C21orf58: variants seen among roughly 807,000 people sequenced by gnomAD.
The protein encoded by C21orf58 is chromosome 21 open reading frame 58.
Under a neutral mutation model 35.8 loss-of-function variants are expected in C21orf58, and 34 were observed. That is an observed-to-expected ratio of 0.95 (90% confidence interval 0.72 to 1.26). The LOEUF (loss-of-function observed/expected upper bound fraction) is 1.26. Among genes scored for constraint, C21orf58 ranks in the 50% most tolerant of loss-of-function variants. The pLI, the probability that C21orf58 is intolerant of heterozygous loss-of-function variation, is 0.00. For missense variants in C21orf58, 440 were observed against 414.3 expected (o/e 1.06, Z -0.54); for synonymous variants, 191 against 175.8 (o/e 1.09, Z -0.68).
In C21orf58 at chr21:46,305,244, C is replaced by T. The variant is rs187944109; in HGVS notation, c.722-2668G>A. On this transcript the variant is annotated intron_variant, in intron 6 of 7. Coordinates refer to ENST00000291691, the MANE Select transcript of C21orf58 (RefSeq NM_058180.5). Reference sequence around the variant, plus strand: ...ATGTTCTGCGGCACAGCAGTGACTACAGTTAACGCTACTGAACTTTGCACT... The same window carrying T: ...ATGTTCTGCGGCACAGCAGTGACTATAGTTAACGCTACTGAACTTTGCACT... Among the ~76,000 whole-genome samples the T allele has an allele frequency of 3.0e-3, 441 of 147,866 alleles. 2 individuals are homozygous for T. The highest frequency in any genetic ancestry group is 5.2e-3 in the Admixed American group (76 of 14,710).
chr21:46,317,936 G>C (rs2083036660), intron 2 of C21orf58, 76 bp downstream of exon 2: 2 of 1,512,686 alleles, frequency 1.3e-6, no homozygotes, highest in East Asian at 4.7e-5. Flanking sequence ...GCACCTGCAG[G>C]GCTGTCTCGA....
intron 6 of C21orf58, among the ~76,000 whole-genome samples, chr21:46,305,500 T>C (rs1317393514): frequency 6.6e-6 from 1 of 151,938 alleles, no homozygotes; most frequent in East Asian, 1.9e-4. Context: ...CAACTAATTT[T>C]GATATGTTTT....
At chr21:46,303,852 C>A (rs190943761) in intron 6 of C21orf58, among the ~76,000 whole-genome samples, 1 of 138,964 alleles carries the variant, frequency 7.2e-6, no homozygotes, top group Non-Finnish European at 1.5e-5. Context: ...CCTGGGTTCA[C>A]GCCATTCTCC....
intron 6 of C21orf58, among the ~76,000 whole-genome samples, chr21:46,305,051 G>C (rs950285680): frequency 3.9e-5 from 6 of 152,172 alleles, no homozygotes; most frequent in African/African-American, 1.4e-4. Context: ...GCACTGGCAG[G>C]TGGGGATGAT....
In C21orf58 at chr21:46,317,277, AAG is replaced by A. The variant is rs769285414; in HGVS notation, c.310-11_310-10del. On this transcript the variant is annotated splice_polypyrimidine_tract_variant and intron_variant, in intron 2 of 7. Coordinates refer to ENST00000291691, the MANE Select transcript of C21orf58 (RefSeq NM_058180.5). ...CGTTCTTGCTCCAGCTTCTGTGAGG[AAG>A]AGAGACCGTGACAGAGACGGTGGCT... The A allele has an allele frequency of 9.7e-5, 157 of 1,610,710 alleles. No individual in the cohort carries two copies. Among genetic ancestry groups the A allele is most frequent in the Middle Eastern group, 3.3e-4 (2 of 6,080 alleles).
Position 46,318,094 on chromosome 21 carries a change from T to C in C21orf58, c.227A>G (p.Gln76Arg), listed in dbSNP as rs1184529266. ...CATGGTGGGAGCTGCAGGAGACGAC[T>C]GTAGGGGCAGGGGAGGCCACAGCCC... ...GGGLWPPLPL[Q>R]SSPAAPTMLD... Residue 76 changes from glutamine (Q) to arginine (R), a missense_variant, in exon 2 of 8, where the codon CAG becomes CGG. Gln to Arg is a conservative substitution (Grantham distance 43). Coordinates refer to ENST00000291691, the MANE Select transcript of C21orf58 (RefSeq NM_058180.5). The C allele has an allele frequency of 1.9e-6, 3 of 1,613,334 alleles. No individual in the cohort carries two copies. In the Admixed American group the frequency reaches 5.0e-5, roughly 27 times the overall value.
rs763615041 is a variant in C21orf58 at position 46,311,470 on chromosome 21, C to T, written c.707G>A (p.Gly236Glu). The part of the protein sequence containing the change: ...PPQAFPTQRS[G>E]SIKEDMVELL... ...GGAACACTTACCTTCCTTAATACTTCCTGACCGTTGAGTAGGGAAGGCCTG... is the reference window on the plus strand; with the variant it reads ...GGAACACTTACCTTCCTTAATACTTTCTGACCGTTGAGTAGGGAAGGCCTG... The change falls in exon 6 of 8, where the codon GGA becomes GAA. Residue 236 changes from glycine to glutamate, a missense_variant. Transcript: ENST00000291691. 2.5e-6 allele frequency: 4 copies of T among 1,596,436 alleles called. No homozygotes were observed. In the South Asian group the frequency reaches 3.4e-5, roughly 13 times the overall value.
intron 1 of C21orf58, 85 bp downstream of exon 1, chr21:46,322,554 C>T: frequency 7.4e-7 from 1 of 1,344,736 alleles, no homozygotes; most frequent in Non-Finnish European, 9.6e-7. Flanking sequence ...CTGGCCCCTG[C>T]TCTAATGAGC....
intron 1 of C21orf58, 92 bp downstream of exon 1, chr21:46,322,547 G>A: frequency 2.3e-6 from 3 of 1,322,314 alleles, no homozygotes; most frequent in Non-Finnish European, 2.9e-6. Flanking sequence ...TGCCTGCCTG[G>A]CCCCTGCTCT....
At chr21:46,307,610 A>G (rs1356971548) in intron 6 of C21orf58, among the ~76,000 whole-genome samples, 2 of 152,210 alleles carry the variant, frequency 1.3e-5, no homozygotes, top group African/African-American at 4.8e-5. Flanking sequence ...CATATGGATC[A>G]CAATAGGAAA....
intron 1 of C21orf58, chr21:46,318,626 G>T: frequency 9.1e-7 from 1 of 1,097,928 alleles, no homozygotes; most frequent in Non-Finnish European, 1.1e-6. Context: ...AGGGAAGACA[G>T]GGTGGGGAGA....
chr21:46,302,644 C>A, intron 6 of C21orf58, 68 bp from the exon 7 acceptor site: 2 of 1,233,556 alleles, frequency 1.6e-6, no homozygotes, highest in South Asian at 1.3e-5. Context: ...AGTGATAGAG[C>A]ATTATAGGAC....
chr21:46,313,398 G>T (rs1446853144), intron 5 of C21orf58, among the ~76,000 whole-genome samples: 1 of 152,174 alleles, frequency 6.6e-6, no homozygotes, highest in African/African-American at 2.4e-5. Context: ...GACCCATGAG[G>T]CTTTCTTAGA....
At chr21:46,318,547 GA>G in intron 1 of C21orf58, 1 of 1,242,148 alleles carries the variant, frequency 8.1e-7, no homozygotes. Flanking sequence ...TGTGTCAGGG[GA>G]GGGCGCCCCA....
chr21:46,303,144 A>T (rs1036682155), intron 6 of C21orf58, among the ~76,000 whole-genome samples: 1 of 151,934 alleles, frequency 6.6e-6, no homozygotes, highest in Admixed American at 6.6e-5. Flanking sequence ...AGCCTGGGCA[A>T]CCAGGGCGAA....
At chr21:46,321,534 A>AC (rs1780103940) in intron 1 of C21orf58, among the ~76,000 whole-genome samples, 1 of 152,176 alleles carries the variant, frequency 6.6e-6, no homozygotes, top group Non-Finnish European at 1.5e-5. Context: ...GTTTTTGATG[A>AC]CCTTGACAGT....
intron 3 of C21orf58, among the ~76,000 whole-genome samples, chr21:46,316,781 G>A (rs921016474): frequency 1.3e-5 from 2 of 152,184 alleles, no homozygotes; most frequent in African/African-American, 4.8e-5. Flanking sequence ...CTTGCCCCAC[G>A]TTCCAAAGAA....
chr21:46,310,546 C>G (rs762493161), intron 6 of C21orf58, among the ~76,000 whole-genome samples: 6 of 150,298 alleles, frequency 4.0e-5, no homozygotes, highest in African/African-American at 1.5e-4. Flanking sequence ...CAGTGGCAAA[C>G]GCCTATAATC....
chr21:46,305,147 G>A (rs1191488360), intron 6 of C21orf58, among the ~76,000 whole-genome samples: 2 of 152,154 alleles, frequency 1.3e-5, no homozygotes, highest in Non-Finnish European at 2.9e-5. Flanking sequence ...AACAGAGGAA[G>A]GTGGTTGCCA....
Sources: gnomAD v4.1 joint callset for allele counts (sites outside exome capture counted in the v4.1 genomes callset) on GRCh38, gnomAD v4.1.1 for gene constraint, MANE v1.5 for transcripts, NCBI Gene and HGNC (gene_info 2026-07-23, HGNC 2026-07-21) for gene names.